Variants in ITGA1 observed in about 807,000 individuals in gnomAD.
ITGA1 encodes integrin subunit alpha 1, also known as integrin alpha-1.
A neutral mutation model predicts 145.9 loss-of-function variants in ITGA1; 85 were observed. The observed-to-expected ratio is 0.58, with a 90% CI of 0.49 to 0.70. The LOEUF is 0.70. Ranked by LOEUF, ITGA1 falls within the 30% of genes least tolerant of loss-of-function variation. ITGA1 has a pLI of 0.00. For missense variants in ITGA1, 1,351 were observed against 1,418.7 expected (o/e 0.95, Z 0.77); for synonymous variants, 520 against 495.3 (o/e 1.05, Z -0.66).
intron 2 of ITGA1, among the ~76,000 whole-genome samples, chr5:52,850,093 C>A (rs1749405545): frequency 6.6e-6 from 1 of 151,564 alleles, no homozygotes; most frequent in Non-Finnish European, 1.5e-5. Context: ...ACCTCCGCCT[C>A]CTGGGTTCAA....
rs1039214479 is a variant in ITGA1 at position 52,788,289 on chromosome 5, A to G, written c.-65A>G. On this transcript the variant is annotated 5_prime_UTR_variant, in exon 1 of 29. Transcript: ENST00000282588. ...GATAAGTGGCCCAGCCAGAGAGCGC[A>G]GCTCCCGCGCCCGGTCCTGCCCTGC... 9.5e-5 allele frequency: 123 copies of G among 1,289,120 alleles called. No homozygotes were observed. The highest frequency in any genetic ancestry group is 1.2e-4 in the Non-Finnish European group (117 of 983,408). 79.9% of individuals were successfully genotyped at this position (1,289,120 alleles called of 1,614,324 possible). A position where few individuals can be genotyped will look rare whatever the true frequency, so the allele number is the denominator to read the frequency against.
At position 52,909,112 on chromosome 5, in the gene ITGA1, C is replaced by CTAATTTTT. The variant is rs769843580; in HGVS notation, c.1599+71_1599+72insTAATTTTT. Reference sequence around the variant, plus strand: ...TCTCTTCATTTTTTAATAATAAATTCCAATTTTTCACTCACTTTGAAAAAA... The same window carrying CTAATTTTT: ...TCTCTTCATTTTTTAATAATAAATTCTAATTTTTCAATTTTTCACTCACTTTGAAAAAA... On this transcript the variant is annotated intron_variant, in intron 13 of 28. Coordinates refer to ENST00000282588, the MANE Select transcript of ITGA1 (RefSeq NM_181501.2). 1,568 of 1,486,380 alleles carry CTAATTTTT rather than the reference C, an allele frequency of 1.1e-3. 3 individuals carry two copies. Among genetic ancestry groups the CTAATTTTT allele is most frequent in the Non-Finnish European group, 1.3e-3 (1,404 of 1,098,030 alleles). The allele number at this position is 1,486,380 out of a possible 1,614,324, so 92.1% of individuals were successfully genotyped here.
chr5:52,788,381 G>A lies in ITGA1; in HGVS notation c.28G>A (p.Gly10Arg), dbSNP rs1199074695. The A allele has an allele frequency of 1.3e-6, 2 of 1,513,400 alleles. No homozygotes were observed. Among genetic ancestry groups the A allele is most frequent in the Admixed American group, 2.1e-5 (1 of 47,650 alleles). 93.7% of individuals were successfully genotyped at this position (1,513,400 alleles called of 1,614,324 possible). A position where few individuals can be genotyped will look rare whatever the true frequency, so the allele number is the denominator to read the frequency against. MAPRPRARP[G>R]VAVACCWLLT... ...GGCCCCTCGGCCCCGCGCCCGCCCA[G>A]GGGTCGCTGTCGCCTGCTGCTGGCT... Residue 10 changes from glycine to arginine, a missense_variant, in exon 1 of 29, where the codon GGG (glycine) becomes AGG (arginine). Transcript: ENST00000282588.
rs1748386952 is a variant in ITGA1 at position 52,798,368 on chromosome 5, G to A, written c.61+9954G>A. 2.7e-5 allele frequency among the ~76,000 whole-genome samples: 4 copies of A among 150,288 alleles called. No individual in the cohort carries two copies. The South Asian group carries it at 8.5e-4, about 32-fold the overall frequency. ...TGGTTCTTATTTGGACTTTCCCCTT[G>A]GAGGGGACCTTTCCGTCCCCTGATA... On this transcript the variant is annotated intron_variant, in intron 1 of 28. Transcript: ENST00000282588.
chr5:52,813,094 AG>A (rs1478814808), intron 1 of ITGA1, among the ~76,000 whole-genome samples: 1 of 152,148 alleles, frequency 6.6e-6, no homozygotes, highest in Non-Finnish European at 1.5e-5. Context: ...AGTACAGAAG[AG>A]CACATTTCAA....
chr5:52,853,852 C>T (rs1253517127), intron 2 of ITGA1, among the ~76,000 whole-genome samples: 3 of 152,188 alleles, frequency 2.0e-5, no homozygotes, highest in Non-Finnish European at 4.4e-5. Context: ...CATAATTTTG[C>T]TTTGAGGAAA....
intron 1 of ITGA1, among the ~76,000 whole-genome samples, chr5:52,828,185 C>CCTAGGAATAGAAAAG (rs1749000011): frequency 1.3e-5 from 2 of 152,118 alleles, no homozygotes; most frequent in Non-Finnish European, 2.9e-5. Flanking sequence ...GAATTGTTGA[C>CCTAGGAATAGAAAAG]TTGTAGGGCA....
chr5:52,881,783 T>A, intron 6 of ITGA1, 90 bp from the exon 7 acceptor site: 1 of 1,184,070 alleles, frequency 8.4e-7, no homozygotes, highest in African/African-American at 1.5e-5. Flanking sequence ...TCATCTGAAA[T>A]GTATTATATC....
intron 9 of ITGA1, among the ~76,000 whole-genome samples, chr5:52,897,234 C>T (rs1750240409): frequency 6.6e-6 from 1 of 152,120 alleles, no homozygotes; most frequent in Non-Finnish European, 1.5e-5. Flanking sequence ...TGCTAATGAA[C>T]AAGAATTTGA....
chr5:52,793,904 T>A (rs773508874), intron 1 of ITGA1, among the ~76,000 whole-genome samples: 1 of 152,046 alleles, frequency 6.6e-6, no homozygotes, highest in Non-Finnish European at 1.5e-5. Context: ...TTTGGCAAAC[T>A]CTTAACTTTT....
At chr5:52,839,321 T>A (rs7706293) in intron 1 of ITGA1, among the ~76,000 whole-genome samples, 69,945 of 152,092 alleles carry the variant, frequency 0.46, 18,340 homozygotes, top group African/African-American at 0.7. Context: ...TGAATATGTT[T>A]TTTGTTTTCA....
intron 6 of ITGA1, among the ~76,000 whole-genome samples, chr5:52,866,164 G>A (rs369861458): frequency 3.3e-5 from 5 of 151,984 alleles, no homozygotes; most frequent in South Asian, 4.1e-4. Context: ...ACAGGCATGC[G>A]CCATCACACC....
chr5:52,930,304 C>T (rs938509092), intron 21 of ITGA1, among the ~76,000 whole-genome samples: 5 of 152,150 alleles, frequency 3.3e-5, no homozygotes, highest in Admixed American at 3.3e-4. Flanking sequence ...ATTATAATCA[C>T]TACATAGATG....
chr5:52,800,660 A>G lies in ITGA1; in HGVS notation c.61+12246A>G. On this transcript the variant is annotated intron_variant, in intron 1 of 28. Transcript: ENST00000282588. Reference sequence around the variant, plus strand: ...CTGCGGGTTAAGGGGACCAACATCCAAGAGAATGAGTATGTCAAGATGGGG... The same window carrying G: ...CTGCGGGTTAAGGGGACCAACATCCGAGAGAATGAGTATGTCAAGATGGGG... 1 of 1,614,158 alleles carries G rather than the reference A, an allele frequency of 6.2e-7. No homozygotes were observed. The highest frequency in any genetic ancestry group is 8.5e-7 in the Non-Finnish European group (1 of 1,180,022).
chr5:52,910,473 C>T, intron 14 of ITGA1, 54 bp downstream of exon 14: 2 of 1,545,134 alleles, frequency 1.3e-6, no homozygotes, highest in Non-Finnish European at 1.8e-6. Context: ...CGGTTCAATG[C>T]CAGGCATTAC....
rs1751213668 is a variant in ITGA1 at position 52,951,170 on chromosome 5, CAT to C, written c.3496-1235_3496-1234del. Reference sequence around the variant, plus strand: ...TTGTTTAATAATTATTTTATAAACACATAGTTCCCTGGCATAATTTGCCATAA... The same window carrying C: ...TTGTTTAATAATTATTTTATAAACACAGTTCCCTGGCATAATTTGCCATAA... On this transcript the variant is annotated intron_variant, in intron 28 of 28. Transcript: ENST00000282588. Among the ~76,000 whole-genome samples, 2 of 152,080 alleles carry C rather than the reference CAT, an allele frequency of 1.3e-5. 1 individual carries two copies. The highest frequency in any genetic ancestry group is 4.1e-4 in the South Asian group (2 of 4,826).
At chr5:52,944,136 C>T (rs1363190) in intron 26 of ITGA1, among the ~76,000 whole-genome samples, 23,491 of 152,010 alleles carry the variant, frequency 0.15, 1,924 homozygotes, top group Admixed American at 0.21. Flanking sequence ...ATGGGGAGTC[C>T]GAGGGGATGG....
chr5:52,856,762 TG>T (rs1222579584), intron 2 of ITGA1, among the ~76,000 whole-genome samples: 3 of 152,032 alleles, frequency 2.0e-5, no homozygotes, highest in African/African-American at 7.2e-5. Context: ...AGTTAACTAT[TG>T]CTGCATAATA....
At chr5:52,813,645 C>G (rs957807749) in intron 1 of ITGA1, among the ~76,000 whole-genome samples, 2 of 152,146 alleles carry the variant, frequency 1.3e-5, no homozygotes, top group African/African-American at 4.8e-5. Flanking sequence ...AGAGACTCAA[C>G]CAGAGCTTCT....
Sources: allele counts gnomAD v4.1 joint callset (sites outside exome capture counted in the v4.1 genomes callset), GRCh38; gene constraint gnomAD v4.1.1; transcripts MANE v1.5; gene names NCBI Gene and HGNC (gene_info 2026-07-23, HGNC 2026-07-21).